Variants in RUNDC3B observed in about 807,000 individuals in gnomAD.
RUNDC3B encodes RUN domain-containing protein 3B.
A neutral mutation model predicts 58.4 loss-of-function variants in RUNDC3B; 33 were observed. The ratio of observed to expected loss-of-function variants is 0.56; its 90% CI spans 0.43 to 0.75. The LOEUF (loss-of-function observed/expected upper bound fraction) is 0.75. Among genes scored for constraint, RUNDC3B ranks in the 30% least tolerant of loss-of-function variants. The pLI is 0.00. For missense variants in RUNDC3B, 501 were observed against 535.7 expected (o/e 0.94, Z 0.64); for synonymous variants, 193 against 195.2 (o/e 0.99, Z 0.10).
intron 10 of RUNDC3B, among the ~76,000 whole-genome samples, chr7:87,822,047 T>A (rs1837484478): frequency 6.6e-6 from 1 of 151,922 alleles, no homozygotes; most frequent in Non-Finnish European, 1.5e-5. Context: ...AAATGGGATC[T>A]AATTAAACTA....
chr7:87,777,989 C>A, intron 8 of RUNDC3B, 34 bp downstream of exon 8: 1 of 1,564,336 alleles, frequency 6.4e-7, no homozygotes, highest in South Asian at 1.2e-5. Context: ...ATGTTGGTAG[C>A]ATGTAAACAT....
chr7:87,787,428 A>T (rs1835281040), intron 8 of RUNDC3B, among the ~76,000 whole-genome samples: 1 of 152,162 alleles, frequency 6.6e-6, no homozygotes, highest in African/African-American at 2.4e-5. Context: ...TTGCTTCTAC[A>T]TTGTGTTGAT....
intron 6 of RUNDC3B, among the ~76,000 whole-genome samples, chr7:87,751,311 T>C (rs1447317983): frequency 3.9e-5 from 6 of 152,034 alleles, no homozygotes; most frequent in Admixed American, 6.6e-5. Context: ...AGTCAGGTAG[T>C]GTGATGCCTC....
At chr7:87,750,939 C>G (rs1193314794) in intron 6 of RUNDC3B, among the ~76,000 whole-genome samples, 1 of 152,128 alleles carries the variant, frequency 6.6e-6, no homozygotes, top group Admixed American at 6.6e-5. Context: ...GTGTTTTAGA[C>G]ATGAAGTCCT....
chr7:87,804,114 G>A (rs1002675255), intron 8 of RUNDC3B, among the ~76,000 whole-genome samples: 2 of 152,116 alleles, frequency 1.3e-5, no homozygotes, highest in Non-Finnish European at 2.9e-5. Context: ...TTGTATCATT[G>A]TGAACAGAAG....
At chr7:87,782,592 T>G (rs1834991367) in intron 8 of RUNDC3B, among the ~76,000 whole-genome samples, 1 of 152,176 alleles carries the variant, frequency 6.6e-6, no homozygotes, top group Non-Finnish European at 1.5e-5. Context: ...TCTAACTTCT[T>G]GATGTAAACA....
At chr7:87,824,421 T>A (rs1039753410) in intron 10 of RUNDC3B, among the ~76,000 whole-genome samples, 1 of 152,214 alleles carries the variant, frequency 6.6e-6, no homozygotes, top group African/African-American at 2.4e-5. Flanking sequence ...CCACCATGAT[T>A]GTGAGGCATC....
chr7:87,686,144 C>A (rs1479037314), intron 2 of RUNDC3B, among the ~76,000 whole-genome samples: 1 of 152,132 alleles, frequency 6.6e-6, no homozygotes, highest in Non-Finnish European at 1.5e-5. Flanking sequence ...GGCTTCCCTC[C>A]ACCCACAATT....
chr7:87,796,661 TA>T (rs1371425713), intron 8 of RUNDC3B, among the ~76,000 whole-genome samples: 6 of 152,098 alleles, frequency 3.9e-5, no homozygotes, highest in Admixed American at 3.9e-4. Context: ...TTCAATGTGC[TA>T]AAAGAAAAAA....
intron 2 of RUNDC3B, among the ~76,000 whole-genome samples, chr7:87,651,755 T>C (rs536174404): frequency 6.6e-6 from 1 of 152,264 alleles, no homozygotes; most frequent in East Asian, 1.9e-4. Flanking sequence ...TTTTTGATGC[T>C]GAAAGCATCC....
chr7:87,692,161 A>G (rs1398681873), intron 2 of RUNDC3B, among the ~76,000 whole-genome samples: 3 of 152,100 alleles, frequency 2.0e-5, no homozygotes, highest in East Asian at 3.9e-4. Context: ...AATAACCAAC[A>G]TTATCTAGGC....
chr7:87,700,042 T>C (rs1186835848), intron 2 of RUNDC3B, among the ~76,000 whole-genome samples: 1 of 152,122 alleles, frequency 6.6e-6, no homozygotes, highest in Non-Finnish European at 1.5e-5. Flanking sequence ...GGTTTAGAAT[T>C]CAATTGGTGA....
intron 2 of RUNDC3B, among the ~76,000 whole-genome samples, chr7:87,659,716 T>TA (rs1225508081): frequency 6.6e-6 from 1 of 152,190 alleles, no homozygotes; most frequent in Non-Finnish European, 1.5e-5. Context: ...CCAGGGAACT[T>TA]ACTGCTGTGT....
chr7:87,807,301 T>C (rs951456991), intron 8 of RUNDC3B, 72 bp from the exon 9 acceptor site: 70 of 1,489,102 alleles, frequency 4.7e-5, no homozygotes, highest in Admixed American at 2.8e-4. Flanking sequence ...GGGGCCTAAA[T>C]TGATACCATT....
At chr7:87,677,053 T>C (rs75957367) in intron 2 of RUNDC3B, among the ~76,000 whole-genome samples, 4,748 of 152,250 alleles carry the variant, frequency 0.031, 72 homozygotes, top group Middle Eastern at 0.048. Flanking sequence ...ACAGCCATTA[T>C]GGAAAACAGT....
At chr7:87,746,373 T>A (rs1169313437) in intron 6 of RUNDC3B, among the ~76,000 whole-genome samples, 1 of 152,226 alleles carries the variant, frequency 6.6e-6, no homozygotes, top group African/African-American at 2.4e-5. Context: ...TCTGTCTTGA[T>A]GACCTCTCTA....
At chr7:87,738,098 A>G (rs1038707888) in intron 4 of RUNDC3B, among the ~76,000 whole-genome samples, 1 of 152,058 alleles carries the variant, frequency 6.6e-6, no homozygotes, top group African/African-American at 2.4e-5. Flanking sequence ...ACCTTTTCTT[A>G]TATAAGAAGT....
intron 7 of RUNDC3B, among the ~76,000 whole-genome samples, chr7:87,773,640 G>GT (rs1361320173): frequency 1.9e-4 from 28 of 148,496 alleles, no homozygotes; most frequent in African/African-American, 6.0e-4. Flanking sequence ...TGTTTGGTTT[G>GT]TTTTGTTTTT....
intron 6 of RUNDC3B, among the ~76,000 whole-genome samples, chr7:87,743,311 T>G (rs935215429): frequency 2.0e-5 from 3 of 152,174 alleles, no homozygotes; most frequent in African/African-American, 7.2e-5. Context: ...TAATAACTTA[T>G]TTTCCTCTGG....
Sources: allele counts gnomAD v4.1 joint callset (sites outside exome capture counted in the v4.1 genomes callset), GRCh38; gene constraint gnomAD v4.1.1; transcripts MANE v1.5; gene names NCBI Gene and HGNC (gene_info 2026-07-23, HGNC 2026-07-21).